DNAJC3: variants seen among roughly 807,000 people sequenced by gnomAD.
The protein encoded by DNAJC3 is dnaJ homolog subfamily C member 3.
DNAJC3 carries 38 observed loss-of-function variants against 68.6 expected under a neutral mutation model. The observed-to-expected ratio is 0.55, with a 90% CI of 0.43 to 0.73. The LOEUF (loss-of-function observed/expected upper bound fraction) is 0.73. DNAJC3 is among the 30% of genes least tolerant of loss of function. The pLI, the probability that DNAJC3 is intolerant of heterozygous loss-of-function variation, is 0.00. For synonymous variants in DNAJC3, 203 were observed against 204.0 expected (o/e 1.00, Z 0.04); for missense variants, 526 against 591.9 (o/e 0.89, Z 1.16).
At chr13:95,748,512 A>G (rs535029043) in intron 4 of DNAJC3, among the ~76,000 whole-genome samples, 4 of 152,168 alleles carry the variant, frequency 2.6e-5, no homozygotes, top group Non-Finnish European at 5.9e-5. Flanking sequence ...AGGATAGCTA[A>G]CTCAGAAATA....
At chr13:95,758,926 G>A (rs1431103973) in intron 5 of DNAJC3, among the ~76,000 whole-genome samples, 1 of 152,080 alleles carries the variant, frequency 6.6e-6, no homozygotes, top group Non-Finnish European at 1.5e-5. Context: ...GTTTTACTGG[G>A]TTATTTTGTT....
rs141175723 is a variant in DNAJC3, at chr13:95,718,241, C to T, written c.194-5001C>T. Among the ~76,000 whole-genome samples the T allele has an allele frequency of 1.3e-4, 20 of 152,308 alleles. No homozygotes were observed. In the East Asian group the frequency reaches 3.3e-3, roughly 25 times the overall value. On this transcript the variant is annotated intron_variant, in intron 2 of 11. Transcript: ENST00000602402. ...ATACTTATTTTCAAGGTTATCCAGTCTTGTATTGGTAAAAACTAAGCATGC... is the reference window on the plus strand; with the variant it reads ...ATACTTATTTTCAAGGTTATCCAGTTTTGTATTGGTAAAAACTAAGCATGC...
At chr13:95,774,728 TC>T (rs1883250792) in intron 9 of DNAJC3, among the ~76,000 whole-genome samples, 1 of 152,212 alleles carries the variant, frequency 6.6e-6, no homozygotes, top group South Asian at 2.1e-4. Flanking sequence ...TACTCAGTGT[TC>T]CTGTTGATCA....
intron 9 of DNAJC3, among the ~76,000 whole-genome samples, chr13:95,777,764 A>C (rs1019235194): frequency 2.0e-5 from 3 of 152,338 alleles, no homozygotes; most frequent in East Asian, 1.9e-4. Flanking sequence ...ATGAATAATA[A>C]AGCAAGATAG....
At chr13:95,747,829 G>T (rs1450360348) in intron 4 of DNAJC3, among the ~76,000 whole-genome samples, 3 of 151,778 alleles carry the variant, frequency 2.0e-5, no homozygotes, top group Non-Finnish European at 4.4e-5. Context: ...ATTGGTTGGG[G>T]TGATAGGAAA....
intron 9 of DNAJC3, among the ~76,000 whole-genome samples, chr13:95,782,211 C>T (rs1463916783): frequency 6.6e-6 from 1 of 152,148 alleles, no homozygotes; most frequent in Non-Finnish European, 1.5e-5. Flanking sequence ...CATTGATAGA[C>T]ATTTGGGTTG....
chr13:95,716,317 G>A (rs939257983), intron 2 of DNAJC3, among the ~76,000 whole-genome samples: 2 of 152,190 alleles, frequency 1.3e-5, no homozygotes, highest in African/African-American at 4.8e-5. Flanking sequence ...ATGCAGATGG[G>A]CAGGTGCAGA....
chr13:95,702,165 G>C (rs1187997364), intron 1 of DNAJC3, among the ~76,000 whole-genome samples: 1 of 152,146 alleles, frequency 6.6e-6, no homozygotes, highest in Non-Finnish European at 1.5e-5. Flanking sequence ...TATTTGCTGA[G>C]TTTTGATAAT....
At chr13:95,754,149 G>A (rs1882577752) in intron 4 of DNAJC3, among the ~76,000 whole-genome samples, 1 of 152,216 alleles carries the variant, frequency 6.6e-6, no homozygotes, top group African/African-American at 2.4e-5. Context: ...GCAGGGTCAT[G>A]GCCTACAGTC....
At position 95,794,800 on chromosome 13, in the gene DNAJC3, C is replaced by T. The variant is rs8195; in HGVS notation, c.*3770C>T. ...TGGAGATGTTTGTGAAAATATTACT[C>T]TTGCTGTGAGGTTTTAGTTTGTTTT... On this transcript the variant is annotated 3_prime_UTR_variant, in exon 12 of 12. Coordinates refer to ENST00000602402, the MANE Select transcript of DNAJC3 (RefSeq NM_006260.5). 1.3e-5 allele frequency: 2 copies of T among 152,182 alleles called. No homozygotes were observed. Among genetic ancestry groups the T allele is most frequent in the African/African-American group, 2.4e-5 (1 of 41,446 alleles). The allele number at this position is 152,182 out of a possible 1,614,324, so 9.4% of individuals were successfully genotyped here.
intron 2 of DNAJC3, among the ~76,000 whole-genome samples, chr13:95,711,068 A>G (rs1310089123): frequency 2.0e-5 from 3 of 152,172 alleles, no homozygotes; most frequent in Admixed American, 6.5e-5. Flanking sequence ...TATAAACTCA[A>G]TGTAGTTAGG....
intron 4 of DNAJC3, chr13:95,745,068 A>C (rs1027842891): frequency 5.3e-5 from 8 of 152,308 alleles, no homozygotes; most frequent in African/African-American, 1.9e-4. Context: ...TTTGCTCTGG[A>C]AACTATTAGA....
chr13:95,767,578 A>G (rs1414758744), intron 9 of DNAJC3, among the ~76,000 whole-genome samples: 1 of 151,856 alleles, frequency 6.6e-6, no homozygotes, highest in African/African-American at 2.4e-5. Flanking sequence ...TTCTTTTTTA[A>G]TTTTTTGAGG....
At chr13:95,726,599 A>G (rs887624410) in intron 4 of DNAJC3, among the ~76,000 whole-genome samples, 9 of 152,118 alleles carry the variant, frequency 5.9e-5, no homozygotes, top group African/African-American at 1.9e-4. Flanking sequence ...AGTGCTTTGG[A>G]TTTGTTAGGG....
chr13:95,702,625 A>G (rs1274078898), intron 1 of DNAJC3, among the ~76,000 whole-genome samples: 1 of 152,220 alleles, frequency 6.6e-6, no homozygotes, highest in Non-Finnish European at 1.5e-5. Context: ...TAGGGACTCA[A>G]CAAGAAAGTG....
chr13:95,677,200 G>C lies in DNAJC3; in HGVS notation c.-56G>C. The C allele has an allele frequency of 6.5e-7, 1 of 1,536,164 alleles. No individual in the cohort carries two copies. The highest frequency in any genetic ancestry group is 8.8e-7 in the Non-Finnish European group (1 of 1,135,220). ...CGGGCGCAGCTGCTGCCGGAGCGCC[G>C]GCGCGTGCTGGTGGGCCACACACCT... On this transcript the variant is annotated 5_prime_UTR_variant, in exon 1 of 12. Transcript: ENST00000602402.
At chr13:95,749,126 G>A (rs1452008895) in intron 4 of DNAJC3, among the ~76,000 whole-genome samples, 1 of 152,182 alleles carries the variant, frequency 6.6e-6, no homozygotes, top group South Asian at 2.1e-4. Flanking sequence ...TTTAATTTAT[G>A]CTTATGGAAA....
chr13:95,790,759 C>T (rs529495599), intron 11 of DNAJC3, 114 bp from the exon 12 acceptor site: 6 of 1,241,402 alleles, frequency 4.8e-6, no homozygotes, highest in Non-Finnish European at 5.6e-6. Context: ...TCTTGATAAC[C>T]GAAAAGTAAG....
chr13:95,768,702 C>T (rs1020856135), intron 9 of DNAJC3, among the ~76,000 whole-genome samples: 5 of 152,058 alleles, frequency 3.3e-5, no homozygotes, highest in Admixed American at 6.6e-5. Context: ...CGGCCAGGCA[C>T]GGTGGCTCAT....
Sources: gnomAD v4.1 joint callset for allele counts (sites outside exome capture counted in the v4.1 genomes callset) on GRCh38, gnomAD v4.1.1 for gene constraint, MANE v1.5 for transcripts, NCBI Gene and HGNC (gene_info 2026-07-23, HGNC 2026-07-21) for gene names.